UGGT1: variants seen among roughly 807,000 people sequenced by gnomAD.
UGGT1 encodes the protein UDP-glucose glycoprotein glucosyltransferase 1.
UGGT1 carries 107 observed loss-of-function variants against 203.9 expected under a neutral mutation model. The ratio of observed to expected loss-of-function variants is 0.52; its 90% CI spans 0.45 to 0.62. The LOEUF is 0.62. UGGT1 is among the 20% of genes least tolerant of loss of function. The pLI is 0.00. For synonymous variants in UGGT1, 628 were observed against 653.5 expected, an observed-to-expected ratio of 0.96 and a Z score of 0.59; for missense variants, 1,673 against 1,867.2, an observed-to-expected ratio of 0.90 and a Z score of 1.92.
chr2:128,114,191 C>G (rs1687993288), intron 6 of UGGT1, among the ~76,000 whole-genome samples: 1 of 152,098 alleles, frequency 6.6e-6, no homozygotes, highest in African/African-American at 2.4e-5. Flanking sequence ...GATTTCAGCT[C>G]ACTGCAACCT....
In UGGT1 at chr2:128,172,765, A is replaced by G. The variant is rs1225870725; in HGVS notation, c.3294+3A>G. 2 of 1,612,278 alleles carry G rather than the reference A, an allele frequency of 1.2e-6. No individual in the cohort carries two copies. The highest frequency in any genetic ancestry group is 1.7e-6 in the Non-Finnish European group (2 of 1,178,734). ...TTGATAATATTTATTTAGAAGAGGTAAGACCATATCTATTGCTTCCAAATA... is the reference window on the plus strand; with the variant it reads ...TTGATAATATTTATTTAGAAGAGGTGAGACCATATCTATTGCTTCCAAATA... On this transcript the variant is annotated splice_donor_region_variant and intron_variant, in intron 29 of 40. Coordinates refer to ENST00000259253, the MANE Select transcript of UGGT1 (RefSeq NM_020120.4).
intron 8 of UGGT1, among the ~76,000 whole-genome samples, chr2:128,119,157 T>A (rs1688260746): frequency 6.6e-6 from 1 of 152,198 alleles, no homozygotes; most frequent in African/African-American, 2.4e-5. Flanking sequence ...ATGTTGACAT[T>A]TAATGAGTTT....
chr2:128,163,141 C>T (rs1690609068), intron 25 of UGGT1, among the ~76,000 whole-genome samples: 1 of 152,162 alleles, frequency 6.6e-6, no homozygotes, highest in African/African-American at 2.4e-5. Context: ...GTCCACGTAA[C>T]CAAGTGCCCC....
Position 128,123,209 on chromosome 2 carries a change from G to T in UGGT1, c.1097G>T (p.Ser366Ile), listed in dbSNP as rs375209686. 1.9e-6 allele frequency: 3 copies of T among 1,613,422 alleles called. No homozygotes were observed. The highest frequency in any genetic ancestry group is 2.5e-6 in the Non-Finnish European group (3 of 1,179,728). ...KARAITKTAV[S>I]SELRTEVEEN... is the part of the protein sequence containing the mutation. ...AGAGCAATAACAAAAACAGCTGTGA[G>T]CTCAGAACTTAGAACCGAAGTGGAA... is the stretch of plus-strand genomic sequence containing the variant. The change falls in exon 11 of 41, where the codon AGC (serine) becomes ATC (isoleucine). Residue 366 changes from serine to isoleucine, a missense_variant. By Grantham distance (142) the Ser-to-Ile change is moderately radical. Transcript: ENST00000259253.
chr2:128,116,783 C>A (rs1437346216), intron 8 of UGGT1, among the ~76,000 whole-genome samples: 2 of 152,136 alleles, frequency 1.3e-5, no homozygotes, highest in Admixed American at 6.5e-5. Flanking sequence ...CCTCAGCCTC[C>A]CAAAGTGCTG....
At chr2:128,173,255 T>G (rs895564818) in intron 29 of UGGT1, among the ~76,000 whole-genome samples, 1 of 152,258 alleles carries the variant, frequency 6.6e-6, no homozygotes. Context: ...TATGGACATA[T>G]CACGTTTCAT....
chr2:128,097,594 A>G (rs746209515), intron 2 of UGGT1, 30 bp downstream of exon 2: 20 of 1,612,000 alleles, frequency 1.2e-5, no homozygotes, highest in Non-Finnish European at 1.6e-5. Flanking sequence ...CCCTTCGTGT[A>G]TTTGAGTATA....
At chr2:128,099,600 A>G (rs1175429372) in intron 2 of UGGT1, among the ~76,000 whole-genome samples, 1 of 152,242 alleles carries the variant, frequency 6.6e-6, no homozygotes, top group Non-Finnish European at 1.5e-5. Flanking sequence ...GGCATGTGGC[A>G]GCCGGTCTTG....
chr2:128,169,811 T>C (rs553496001), intron 26 of UGGT1, among the ~76,000 whole-genome samples: 1 of 152,376 alleles, frequency 6.6e-6, no homozygotes, highest in East Asian at 1.9e-4. Context: ...AACTAATGTT[T>C]ATACAGGCAT....
Position 128,138,811 on chromosome 2 carries a change from C to T in UGGT1, c.1678C>T (p.Gln560Ter). Reference sequence around the variant, plus strand: ...TCTTAGAGCATATAATTATGTTGCCCAAGAAGTGGATGATTATCATGCCTT... The same window carrying T: ...TCTTAGAGCATATAATTATGTTGCCTAAGAAGTGGATGATTATCATGCCTT... ...AVLRAYNYVA[Q>*]EVDDYHAFQT... The change falls in exon 16 of 41, where the codon CAA (glutamine) becomes TAA (stop). Residue 560 changes from glutamine to a stop codon, truncating the protein, a stop_gained. Coordinates refer to ENST00000259253, the MANE Select transcript of UGGT1 (RefSeq NM_020120.4). LOFTEE classifies it high-confidence loss of function. The T allele has an allele frequency of 6.2e-7, 1 of 1,614,016 alleles. No homozygotes were observed. The highest frequency in any genetic ancestry group is 1.1e-5 in the South Asian group (1 of 91,076).
At chr2:128,184,861 C>T (rs1369106499) in intron 38 of UGGT1, among the ~76,000 whole-genome samples, 2 of 151,942 alleles carry the variant, frequency 1.3e-5, no homozygotes, top group African/African-American at 2.4e-5. Flanking sequence ...TTTGTATTTT[C>T]AGTAGAGACA....
chr2:128,168,009 C>T (rs565476987), intron 26 of UGGT1, among the ~76,000 whole-genome samples: 2 of 152,270 alleles, frequency 1.3e-5, no homozygotes, highest in African/African-American at 4.8e-5. Context: ...CTCTGGTTCC[C>T]TTGTGAGCCT....
At chr2:128,126,882 C>T (rs1688633527) in intron 11 of UGGT1, among the ~76,000 whole-genome samples, 1 of 151,884 alleles carries the variant, frequency 6.6e-6, no homozygotes, top group African/African-American at 2.4e-5. Context: ...GGGGTTTTGC[C>T]ACGTTGTCCA....
chr2:128,109,856 T>TA lies in UGGT1; in HGVS notation c.521+111dup. On this transcript the variant is annotated intron_variant, in intron 5 of 40. Coordinates refer to ENST00000259253, the MANE Select transcript of UGGT1 (RefSeq NM_020120.4). ...TTTTGTATCATTAGGTGTAATGGTT[T>TA]AGAGTATGGCTTCTGGAACCAGACT... 3.7e-6 allele frequency: 3 copies of TA among 821,702 alleles called. No homozygotes were observed. In the South Asian group the frequency reaches 5.0e-5, roughly 14 times the overall value. The allele number at this position is 821,702 out of a possible 1,614,324, so 50.9% of individuals were successfully genotyped here.
chr2:128,119,905 A>G (rs780536093), intron 8 of UGGT1, among the ~76,000 whole-genome samples: 1 of 151,940 alleles, frequency 6.6e-6, no homozygotes, highest in Non-Finnish European at 1.5e-5. Context: ...CACTGCAGGT[A>G]TAGCCGAAGT....
At chr2:128,117,086 T>A (rs1688136886) in intron 8 of UGGT1, among the ~76,000 whole-genome samples, 1 of 152,076 alleles carries the variant, frequency 6.6e-6, no homozygotes. Context: ...TATTATTTTT[T>A]ATTTATTTAT....
rs1439368522 is a variant in UGGT1 at position 128,112,455 on chromosome 2, TA to T, written c.522-628del. Reference sequence around the variant, plus strand: ...AAAAACCCCCCAAAAAATACTATGTTATATATATATATATATATTACATACA... The same window carrying T: ...AAAAACCCCCCAAAAAATACTATGTTTATATATATATATATATTACATACA... On this transcript the variant is annotated intron_variant, in intron 5 of 40. Transcript: ENST00000259253. 1.4e-3 allele frequency among the ~76,000 whole-genome samples: 60 copies of T among 42,424 alleles called. 4 individuals carry two copies. Among genetic ancestry groups the T allele is most frequent in the African/African-American group, 3.4e-3 (54 of 15,814 alleles). The allele number at this position is 42,424 out of a possible 152,430, so 27.8% of individuals were successfully genotyped here. A position where few individuals can be genotyped will look rare whatever the true frequency, so the allele number is the denominator to read the frequency against.
In UGGT1 at chr2:128,172,560, T is replaced by C. The variant is rs950859848; in HGVS notation, c.3105-13T>C. The C allele has an allele frequency of 1.2e-6, 2 of 1,613,582 alleles. No individual in the cohort carries two copies. The highest frequency in any genetic ancestry group is 2.7e-5 in the African/African-American group (2 of 74,910). On this transcript the variant is annotated splice_polypyrimidine_tract_variant and intron_variant, in intron 28 of 40. Coordinates refer to ENST00000259253, the MANE Select transcript of UGGT1 (RefSeq NM_020120.4). ...CATCGAAAATTATCTAACACTTTCC[T>C]TTTCAATTTCAGCTTTTACCGTTAT... is the stretch of plus-strand genomic sequence containing the variant.
chr2:128,174,006 G>A, intron 30 of UGGT1, 67 bp downstream of exon 30: 56 of 1,543,202 alleles, frequency 3.6e-5, no homozygotes, highest in Non-Finnish European at 4.9e-5. Flanking sequence ...AATTTATGAT[G>A]GAGCAATTAG....
Sources: allele counts gnomAD v4.1 joint callset (sites outside exome capture counted in the v4.1 genomes callset), GRCh38; gene constraint gnomAD v4.1.1; transcripts MANE v1.5; gene names NCBI Gene and HGNC (gene_info 2026-07-23, HGNC 2026-07-21).